XKR4: variants seen among roughly 807,000 people sequenced by gnomAD.
XKR4 encodes the protein XK-related protein 4.
XKR4 carries 12 observed loss-of-function variants against 53.9 expected under a neutral mutation model. The ratio of observed to expected loss-of-function variants is 0.22; its 90% CI spans 0.14 to 0.36. The LOEUF is 0.36. Among genes scored for constraint, XKR4 ranks in the 10% least tolerant of loss-of-function variants. The pLI is 1.00. For synonymous variants in XKR4, 354 were observed against 362.4 expected, an observed-to-expected ratio of 0.98 and a Z score of 0.26; for missense variants, 799 against 859.5, an observed-to-expected ratio of 0.93 and a Z score of 0.88.
intron 2 of XKR4, chr8:55,450,862 T>G (rs1805428487): frequency 2.1e-6 from 1 of 472,682 alleles, no homozygotes. Context: ...GGAACTTGAG[T>G]CCAGGAGCTC....
chr8:55,432,911 T>G (rs1048452814), intron 2 of XKR4, among the ~76,000 whole-genome samples: 1 of 152,180 alleles, frequency 6.6e-6, no homozygotes, highest in Admixed American at 6.5e-5. Context: ...CCAAAGGCCT[T>G]TCTGAGTAAA....
At chr8:55,273,688 A>G (rs550731299) in intron 1 of XKR4, among the ~76,000 whole-genome samples, 37 of 152,206 alleles carry the variant, frequency 2.4e-4, no homozygotes, top group South Asian at 4.2e-4. Flanking sequence ...CCGACTCCCT[A>G]TGATTTCATC....
intron 1 of XKR4, among the ~76,000 whole-genome samples, chr8:55,176,493 T>C (rs941181482): frequency 2.6e-5 from 4 of 152,120 alleles, no homozygotes. Context: ...AGGAAAACTT[T>C]CCAGTTAAAT....
At chr8:55,373,739 A>T in intron 2 of XKR4, among the ~76,000 whole-genome samples, 1 of 152,240 alleles carries the variant, frequency 6.6e-6, no homozygotes, top group Admixed American at 6.5e-5. Flanking sequence ...AAGTAATTGC[A>T]AAACACTTTG....
intron 2 of XKR4, among the ~76,000 whole-genome samples, chr8:55,416,660 C>T (rs1024289062): frequency 2.6e-5 from 4 of 152,168 alleles, no homozygotes; most frequent in Non-Finnish European, 4.4e-5. Flanking sequence ...AAGAAGAGGA[C>T]GATGGCAGGG....
chr8:55,505,255 C>T (rs911898828), intron 2 of XKR4, among the ~76,000 whole-genome samples: 3 of 151,992 alleles, frequency 2.0e-5, no homozygotes, highest in African/African-American at 7.3e-5. Context: ...GTTTTTGCTG[C>T]GTTGTTTTTT....
intron 2 of XKR4, among the ~76,000 whole-genome samples, chr8:55,382,802 G>A (rs951255): frequency 0.1 from 15,292 of 151,838 alleles, 1,638 homozygotes; most frequent in African/African-American, 0.27. Context: ...TTAGGTATAC[G>A]GTCTCATTAA....
intron 2 of XKR4, among the ~76,000 whole-genome samples, chr8:55,401,823 T>C (rs1457445963): frequency 6.6e-6 from 1 of 152,202 alleles, no homozygotes; most frequent in Admixed American, 6.5e-5. Flanking sequence ...ATCATTACGA[T>C]GTGGTGATAT....
At chr8:55,458,001 G>T (rs1452313123) in intron 2 of XKR4, among the ~76,000 whole-genome samples, 1 of 151,810 alleles carries the variant, frequency 6.6e-6, no homozygotes, top group Non-Finnish European at 1.5e-5. Flanking sequence ...AATGAAAGGA[G>T]ATATACCATG....
At chr8:55,113,419 G>A (rs148945521) in intron 1 of XKR4, among the ~76,000 whole-genome samples, 4 of 152,232 alleles carry the variant, frequency 2.6e-5, no homozygotes, top group East Asian at 1.9e-4. Context: ...TAGGAAAATC[G>A]TACTGACCTC....
intron 1 of XKR4, among the ~76,000 whole-genome samples, chr8:55,161,291 G>A (rs552553779): frequency 7.9e-5 from 12 of 152,010 alleles, no homozygotes; most frequent in Middle Eastern, 3.4e-3. Flanking sequence ...TATTTCACTC[G>A]CAGACATCTT....
chr8:55,164,546 A>G (rs886391595), intron 1 of XKR4: 1 of 430,958 alleles, frequency 2.3e-6, no homozygotes, highest in Non-Finnish European at 4.7e-6. Flanking sequence ...TTCTTTTTAC[A>G]TTGAGGGTAG....
In XKR4 at chr8:55,232,053, A is replaced by G. The variant is rs189395679; in HGVS notation, c.807-125625A>G. On this transcript the variant is annotated intron_variant, in intron 1 of 2. Coordinates refer to ENST00000327381, the MANE Select transcript of XKR4 (RefSeq NM_052898.2). ...ATAGATGGGCTCCTAAAAGAAAGAC[A>G]TGGGTGGTTCAAAATGGAATCTTAT... Among the ~76,000 whole-genome samples, 109 of 152,304 alleles carry G rather than the reference A, an allele frequency of 7.2e-4. No homozygotes were observed. In the Middle Eastern group the frequency reaches 0.01, roughly 14 times the overall value.
At chr8:55,412,578 A>G (rs1450631777) in intron 2 of XKR4, among the ~76,000 whole-genome samples, 2 of 152,102 alleles carry the variant, frequency 1.3e-5, no homozygotes, top group East Asian at 1.9e-4. Flanking sequence ...AGGCCATGTG[A>G]CTCCCATGAA....
At chr8:55,256,588 A>G (rs532057681) in intron 1 of XKR4, among the ~76,000 whole-genome samples, 5 of 152,290 alleles carry the variant, frequency 3.3e-5, no homozygotes, top group African/African-American at 1.2e-4. Context: ...TTGCATGACT[A>G]GATGTAAGGG....
rs534836994 is a variant in XKR4 at position 55,375,157 on chromosome 8, T to A, written c.1006+17280T>A. ...CAGCGTGTGGCCTTGAGTGTGTGAC[T>A]TCACGACACTGAGCCTTGGCTTTTC... On this transcript the variant is annotated intron_variant, in intron 2 of 2. Coordinates refer to ENST00000327381, the MANE Select transcript of XKR4 (RefSeq NM_052898.2). 3.2e-4 allele frequency among the ~76,000 whole-genome samples: 48 copies of A among 152,340 alleles called. 1 individual carries two copies. The South Asian group carries it at 7.0e-3, about 22-fold the overall frequency.
intron 1 of XKR4, among the ~76,000 whole-genome samples, chr8:55,125,111 A>C (rs146329867): frequency 6.6e-6 from 1 of 152,268 alleles, no homozygotes; most frequent in Non-Finnish European, 1.5e-5. Flanking sequence ...GGTAGAAGTA[A>C]GTATAACAGA....
chr8:55,199,733 C>T (rs1462669422), intron 1 of XKR4, among the ~76,000 whole-genome samples: 2 of 152,230 alleles, frequency 1.3e-5, no homozygotes, highest in Non-Finnish European at 2.9e-5. Flanking sequence ...CTAGCTTGAT[C>T]AGTGGTCCCT....
rs567292546 is a variant in XKR4, at chr8:55,323,644, C to T, written c.807-34034C>T. Among the ~76,000 whole-genome samples the T allele has an allele frequency of 2.0e-5, 3 of 152,248 alleles. 1 individual carries two copies. The highest frequency in any genetic ancestry group is 6.8e-3 in the Middle Eastern group (2 of 294). ...GGTTTGGGTAATTTTGAATAAAAAC[C>T]TCTGTAAATGTGTATGTGCAGGTTT... On this transcript the variant is annotated intron_variant, in intron 1 of 2. Coordinates refer to ENST00000327381, the MANE Select transcript of XKR4 (RefSeq NM_052898.2).
Sources: gnomAD v4.1 joint callset for allele counts (sites outside exome capture counted in the v4.1 genomes callset) on GRCh38, gnomAD v4.1.1 for gene constraint, MANE v1.5 for transcripts, NCBI Gene and HGNC (gene_info 2026-07-23, HGNC 2026-07-21) for gene names.